IMMP2L: variants seen among roughly 807,000 people sequenced by gnomAD.
IMMP2L encodes the protein mitochondrial inner membrane protease subunit 2.
In IMMP2L, 18 loss-of-function variants were observed where a neutral mutation model predicts 19.3. That is an observed-to-expected ratio of 0.93 (90% confidence interval 0.64 to 1.38). The LOEUF is 1.38. Ranked by LOEUF, IMMP2L falls within the 40% of genes most tolerant of loss-of-function variation. The pLI is 0.00. For missense variants in IMMP2L, 233 were observed against 218.2 expected (o/e 1.07, Z -0.43); for synonymous variants, 76 against 73.0 (o/e 1.04, Z -0.21).
At chr7:111,347,604 G>A (rs1194617794) in intron 3 of IMMP2L, among the ~76,000 whole-genome samples, 2 of 152,006 alleles carry the variant, frequency 1.3e-5, no homozygotes, top group African/African-American at 2.4e-5. Context: ...AGGAAAGAGG[G>A]AAGGATGGCT....
At chr7:110,837,448 T>C in intron 5 of IMMP2L, among the ~76,000 whole-genome samples, 1 of 152,072 alleles carries the variant, frequency 6.6e-6, no homozygotes, top group East Asian at 1.9e-4. Flanking sequence ...AATGTATGTA[T>C]GTGTCTATCT....
chr7:111,014,130 G>A (rs543153621), intron 3 of IMMP2L, among the ~76,000 whole-genome samples: 3 of 152,226 alleles, frequency 2.0e-5, no homozygotes, highest in South Asian at 2.1e-4. Flanking sequence ...TTGGGAGGCC[G>A]AGGGAGGCAG....
chr7:110,923,583 A>G (rs1367480933), intron 4 of IMMP2L, among the ~76,000 whole-genome samples: 1 of 152,202 alleles, frequency 6.6e-6, no homozygotes, highest in African/African-American at 2.4e-5. Context: ...CTAACCTTTT[A>G]TTAGTAGAAT....
At chr7:111,441,299 T>C (rs1056179323) in intron 3 of IMMP2L, among the ~76,000 whole-genome samples, 2 of 151,938 alleles carry the variant, frequency 1.3e-5, no homozygotes, top group Non-Finnish European at 2.9e-5. Flanking sequence ...GAATAATTTC[T>C]AGCTTTTGAT....
intron 5 of IMMP2L, among the ~76,000 whole-genome samples, chr7:110,737,348 G>C (rs1159316727): frequency 6.6e-6 from 1 of 152,220 alleles, no homozygotes; most frequent in Non-Finnish European, 1.5e-5. Flanking sequence ...CAGTGGGAAT[G>C]AGACCAGCCT....
At chr7:111,469,387 G>T (rs1284779419) in intron 3 of IMMP2L, among the ~76,000 whole-genome samples, 1 of 152,184 alleles carries the variant, frequency 6.6e-6, no homozygotes, top group Non-Finnish European at 1.5e-5. Context: ...CTACCCATGA[G>T]CATGGAATGT....
intron 3 of IMMP2L, among the ~76,000 whole-genome samples, chr7:111,292,770 C>T (rs37758): frequency 0.084 from 12,783 of 151,962 alleles, 612 homozygotes; most frequent in African/African-American, 0.11. Context: ...GCCTACTTCC[C>T]AGGGTTATCA....
intron 3 of IMMP2L, among the ~76,000 whole-genome samples, chr7:111,164,526 G>T (rs140676655): frequency 4.0e-4 from 61 of 152,046 alleles, no homozygotes; most frequent in Admixed American, 1.8e-3. Context: ...CCAGGAATGG[G>T]ATGAAAGAGT....
chr7:111,023,656 G>T (rs1217577377), intron 3 of IMMP2L, among the ~76,000 whole-genome samples: 1 of 152,104 alleles, frequency 6.6e-6, no homozygotes, highest in Non-Finnish European at 1.5e-5. Context: ...GCAGTGAGCC[G>T]AGATCATGCC....
At chr7:111,537,010 T>C (rs1585572981) in intron 1 of IMMP2L, among the ~76,000 whole-genome samples, 1 of 151,768 alleles carries the variant, frequency 6.6e-6, no homozygotes, top group East Asian at 1.9e-4. Context: ...AAAAAAAAAA[T>C]TGAATCAACA....
intron 3 of IMMP2L, among the ~76,000 whole-genome samples, chr7:111,341,752 T>A (rs939997222): frequency 6.6e-6 from 1 of 152,110 alleles, no homozygotes; most frequent in African/African-American, 2.4e-5. Context: ...AAAAAGCAAG[T>A]TTTAGAAACT....
chr7:111,320,320 T>C (rs1824550949), intron 3 of IMMP2L, among the ~76,000 whole-genome samples: 1 of 152,112 alleles, frequency 6.6e-6, no homozygotes, highest in Admixed American at 6.6e-5. Context: ...CCACTCTGCC[T>C]CTTCCCATTC....
At chr7:110,903,165 C>A (rs967620597) in intron 4 of IMMP2L, among the ~76,000 whole-genome samples, 1 of 152,118 alleles carries the variant, frequency 6.6e-6, no homozygotes, top group Non-Finnish European at 1.5e-5. Flanking sequence ...TTGCCACACA[C>A]ACCAGGCTAA....
chr7:111,346,621 C>T (rs1314963077), intron 3 of IMMP2L, among the ~76,000 whole-genome samples: 5 of 152,052 alleles, frequency 3.3e-5, no homozygotes, highest in Admixed American at 6.6e-5. Context: ...TGGAAGTATA[C>T]ATGGACAGAT....
chr7:111,335,458 G>C (rs1194599672), intron 3 of IMMP2L, among the ~76,000 whole-genome samples: 2 of 151,938 alleles, frequency 1.3e-5, no homozygotes, highest in Admixed American at 6.6e-5. Context: ...ATATTATATA[G>C]AACAACTCAA....
intron 4 of IMMP2L, among the ~76,000 whole-genome samples, chr7:110,904,319 C>T (rs1436612746): frequency 6.6e-6 from 1 of 152,106 alleles, no homozygotes; most frequent in Non-Finnish European, 1.5e-5. Flanking sequence ...TCCATGAAAT[C>T]ACTGCCAAGA....
intron 3 of IMMP2L, among the ~76,000 whole-genome samples, chr7:111,271,452 G>A (rs1818461740): frequency 6.6e-6 from 1 of 152,186 alleles, no homozygotes; most frequent in Non-Finnish European, 1.5e-5. Context: ...ATGCCCTCAT[G>A]CTGTATTTCA....
chr7:110,686,262 T>C (rs1276381409), intron 5 of IMMP2L, among the ~76,000 whole-genome samples: 1 of 152,100 alleles, frequency 6.6e-6, no homozygotes, highest in Non-Finnish European at 1.5e-5. Context: ...GAGCACATTA[T>C]ACAATTTTGC....
intron 5 of IMMP2L, among the ~76,000 whole-genome samples, chr7:110,714,483 C>G (rs1462968117): frequency 6.6e-6 from 1 of 152,058 alleles, no homozygotes; most frequent in Admixed American, 6.6e-5. Flanking sequence ...GGAAGAATTC[C>G]TCCTCCTCAA....
Sources: gnomAD v4.1 joint callset for allele counts (sites outside exome capture counted in the v4.1 genomes callset) on GRCh38, gnomAD v4.1.1 for gene constraint, MANE v1.5 for transcripts, NCBI Gene and HGNC (gene_info 2026-07-23, HGNC 2026-07-21) for gene names.